The following CFAP77 variants were observed in gnomAD, a reference collection of about 807,000 sequenced individuals.
CFAP77 encodes cilia- and flagella-associated protein 77.
Under a neutral mutation model 31.1 loss-of-function variants are expected in CFAP77, and 25 were observed. That is an observed-to-expected ratio of 0.80 (90% confidence interval 0.59 to 1.12). The LOEUF (loss-of-function observed/expected upper bound fraction) is 1.12. Ranked by LOEUF, CFAP77 falls within the 50% of genes most tolerant of loss-of-function variation. CFAP77 has a pLI of 0.00. For synonymous variants in CFAP77, 151 were observed against 159.9 expected, an observed-to-expected ratio of 0.94 and a Z score of 0.42; for missense variants, 377 against 397.3, an observed-to-expected ratio of 0.95 and a Z score of 0.44.
intron 5 of CFAP77, among the ~76,000 whole-genome samples, chr9:132,557,985 G>T (rs916663018): frequency 2.0e-5 from 3 of 152,210 alleles, no homozygotes; most frequent in African/African-American, 7.2e-5. Flanking sequence ...CCTCCCTCCC[G>T]TGCCCACGGC....
chr9:132,423,940 C>T (rs1850271241), intron 1 of CFAP77, among the ~76,000 whole-genome samples: 1 of 152,212 alleles, frequency 6.6e-6, no homozygotes, highest in African/African-American at 2.4e-5. Flanking sequence ...TGCTTATCAC[C>T]TGCGTCTATA....
intron 1 of CFAP77, among the ~76,000 whole-genome samples, chr9:132,470,662 G>A (rs1851238732): frequency 6.6e-6 from 1 of 152,248 alleles, no homozygotes; most frequent in Non-Finnish European, 1.5e-5. Context: ...CAGGCCCACA[G>A]TAGAGCCATC....
At position 132,542,996 on chromosome 9, in the gene CFAP77, C is replaced by T. The variant is rs1852671470; in HGVS notation, c.681C>T (p.Tyr227=). ...YETRSSQLRK[Y]KPPVKLDTLW... Reference sequence around the variant, plus strand: ...CCCGGAGCAGTCAGCTGAGGAAGTACAAGCCGCCCGTGAAGCTGGACACCC... The same window carrying T: ...CCCGGAGCAGTCAGCTGAGGAAGTATAAGCCGCCCGTGAAGCTGGACACCC... The change falls in exon 5 of 6, where the codon TAC becomes TAT. Residue 227 remains tyrosine, a synonymous_variant. Transcript: ENST00000393216. The T allele has an allele frequency of 1.2e-6, 2 of 1,614,152 alleles. No homozygotes were observed. Among genetic ancestry groups the T allele is most frequent in the East Asian group, 2.2e-5 (1 of 44,884 alleles).
Position 132,455,186 on chromosome 9 carries a change from G to T in CFAP77, c.196-43509G>T, listed in dbSNP as rs1394106285. ...CAATACCATCTGTCATTGCAGCAGA[G>T]CCCAGTAGTGTGGGGTTCTTACCTT... On this transcript the variant is annotated intron_variant, in intron 1 of 5. Coordinates refer to ENST00000393216, the MANE Select transcript of CFAP77 (RefSeq NM_001282957.2). The surrounding 1 kb of genome is among the most constrained non-coding windows in gnomAD (Gnocchi z 4.1). 6.6e-6 allele frequency among the ~76,000 whole-genome samples: 1 copy of T among 152,178 alleles called. No individual in the cohort carries two copies. The highest frequency in any genetic ancestry group is 1.9e-4 in the East Asian group (1 of 5,174).
At chr9:132,449,478 C>T (rs1262669028) in intron 1 of CFAP77, among the ~76,000 whole-genome samples, 1 of 151,714 alleles carries the variant, frequency 6.6e-6, no homozygotes, top group Non-Finnish European at 1.5e-5. Flanking sequence ...TAGCATAAGG[C>T]ACCTGAGATT....
In CFAP77 at chr9:132,410,461, G is replaced by C. The variant is rs139723242; in HGVS notation, c.190G>C (p.Val64Leu). 6.3e-7 allele frequency: 1 copy of C among 1,580,772 alleles called. No individual in the cohort carries two copies. Among genetic ancestry groups the C allele is most frequent in the Non-Finnish European group, 8.6e-7 (1 of 1,166,674 alleles). Residue 64 changes from valine to leucine, a missense_variant, in exon 1 of 6, where the codon GTC becomes CTC. Val to Leu is a conservative substitution (Grantham distance 32, BLOSUM62 1). Transcript: ENST00000393216. ...RDSMFQNPLI[V>L]KAELGKPRER... Reference sequence around the variant, plus strand: ...CTCCATGTTTCAGAACCCTCTCATCGTCAAGGTGAGCACCCCACGCCCACC... The same window carrying C: ...CTCCATGTTTCAGAACCCTCTCATCCTCAAGGTGAGCACCCCACGCCCACC...
intron 1 of CFAP77, among the ~76,000 whole-genome samples, chr9:132,476,197 G>T (rs910186828): frequency 2.0e-5 from 3 of 152,144 alleles, no homozygotes; most frequent in African/African-American, 7.2e-5. Flanking sequence ...TGTTCTGTAA[G>T]TGTCTATCCT....
At chr9:132,469,070 C>A (rs1851206826) in intron 1 of CFAP77, among the ~76,000 whole-genome samples, 1 of 149,142 alleles carries the variant, frequency 6.7e-6, no homozygotes, top group South Asian at 2.1e-4. Flanking sequence ...CCAAGGAGCT[C>A]TCTAAGAAGA....
chr9:132,485,975 A>C, intron 1 of CFAP77, among the ~76,000 whole-genome samples: 1 of 109,568 alleles, frequency 9.1e-6, no homozygotes, highest in South Asian at 3.0e-4. Flanking sequence ...GGATTTGAGA[A>C]CACACACCTC....
intron 3 of CFAP77, among the ~76,000 whole-genome samples, chr9:132,526,145 C>T (rs938742021): frequency 2.5e-4 from 38 of 151,924 alleles, no homozygotes; most frequent in African/African-American, 8.7e-4. Context: ...TTAGGTCAAC[C>T]TAAGCTTTCA....
chr9:132,487,110 T>C (rs1343045425), intron 1 of CFAP77, among the ~76,000 whole-genome samples: 2 of 152,248 alleles, frequency 1.3e-5, no homozygotes, highest in African/African-American at 4.8e-5. Context: ...GGAGCTGCTA[T>C]AGCAGTCTTA....
In CFAP77 at chr9:132,517,019, G is replaced by A. The variant is rs929378569; in HGVS notation, c.524+17419G>A. Among the ~76,000 whole-genome samples the A allele has an allele frequency of 1.3e-5, 2 of 152,142 alleles. No homozygotes were observed. Among genetic ancestry groups the A allele is most frequent in the Non-Finnish European group, 2.9e-5 (2 of 68,028 alleles). The stretch of plus-strand genomic sequence containing the variant: ...ACCCCAGCCCTGCAGCACGCAGCTC[G>A]GGGCTGTGTGAGAACACGAGGGCGG... On this transcript the variant is annotated intron_variant, in intron 3 of 5. Coordinates refer to ENST00000393216, the MANE Select transcript of CFAP77 (RefSeq NM_001282957.2). The surrounding 1 kb of genome is among the most constrained non-coding windows in gnomAD (Gnocchi z 4.7).
chr9:132,410,562 C>T (rs771074208), intron 1 of CFAP77, 96 bp downstream of exon 1: 35 of 1,124,488 alleles, frequency 3.1e-5, no homozygotes, highest in Non-Finnish European at 4.1e-5. Flanking sequence ...CCCCGCGGCC[C>T]GGGGTCCGAG....
At chr9:132,431,096 A>C (rs1019953580) in intron 1 of CFAP77, among the ~76,000 whole-genome samples, 3 of 152,208 alleles carry the variant, frequency 2.0e-5, no homozygotes, top group African/African-American at 4.8e-5. Context: ...GAGCCAGAGA[A>C]GGGAAGTCCA....
intron 5 of CFAP77, among the ~76,000 whole-genome samples, chr9:132,553,670 G>A (rs1253786127): frequency 6.6e-6 from 1 of 152,136 alleles, no homozygotes; most frequent in Non-Finnish European, 1.5e-5. Flanking sequence ...GGTCTCGATT[G>A]CACCCCAGGG....
At chr9:132,431,647 A>G (rs78793132) in intron 1 of CFAP77, among the ~76,000 whole-genome samples, 3,132 of 152,304 alleles carry the variant, frequency 0.021, 100 homozygotes, top group African/African-American at 0.071. Flanking sequence ...GATCCTGAAT[A>G]TATACCAATA....
At chr9:132,559,127 G>A (rs1480128155) in intron 5 of CFAP77, among the ~76,000 whole-genome samples, 12 of 152,050 alleles carry the variant, frequency 7.9e-5, no homozygotes, top group Admixed American at 7.9e-4. Context: ...GGTGGATCAT[G>A]AGGTCAGGTG....
chr9:132,415,600 G>A (rs754002645), intron 1 of CFAP77, among the ~76,000 whole-genome samples: 17 of 152,346 alleles, frequency 1.1e-4, no homozygotes, highest in East Asian at 3.9e-4. Flanking sequence ...CTGCGGTGGC[G>A]TGGCAGGAAG....
At chr9:132,443,235 G>GT (rs928260876) in intron 1 of CFAP77, among the ~76,000 whole-genome samples, 169 of 144,468 alleles carry the variant, frequency 1.2e-3, no homozygotes, top group Admixed American at 1.9e-3. Flanking sequence ...AAATAAAAAA[G>GT]TTTTTTTTTT....
Sources: allele counts gnomAD v4.1 joint callset (sites outside exome capture counted in the v4.1 genomes callset), GRCh38; gene constraint gnomAD v4.1.1; non-coding constraint Gnocchi (gnomAD v3.1); transcripts MANE v1.5; gene names NCBI Gene and HGNC (gene_info 2026-07-23, HGNC 2026-07-21).